ANK3: variants seen among roughly 807,000 people sequenced by gnomAD.
ANK3 encodes ankyrin-3.
In ANK3, 57 loss-of-function variants were observed where a neutral mutation model predicts 370.9. The ratio of observed to expected loss-of-function variants is 0.15; its 90% CI spans 0.12 to 0.19. ANK3 has a LOEUF of 0.19. ANK3 is among the 10% of genes least tolerant of loss of function. The pLI is 1.00. For synonymous variants in ANK3, 1,929 were observed against 1,946.3 expected (o/e 0.99, Z 0.23); for missense variants, 4,439 against 5,302.1 (o/e 0.84, Z 5.06).
At chr10:60,050,724 CAA>C (rs1415536809) in intron 42 of ANK3, 1 of 152,058 alleles carries the variant, frequency 6.6e-6, no homozygotes, top group African/African-American at 2.4e-5. Context: ...CCTTACTACG[CAA>C]AAGGTAAGTG....
At chr10:60,431,386 C>T (rs1035619720) in intron 2 of ANK3, among the ~76,000 whole-genome samples, 1 of 152,130 alleles carries the variant, frequency 6.6e-6, no homozygotes, top group African/African-American at 2.4e-5. Context: ...GGAGGCGGAG[C>T]TCAGGTGGTA....
At chr10:60,614,104 T>C (rs957354134) in intron 2 of ANK3, among the ~76,000 whole-genome samples, 1 of 152,058 alleles carries the variant, frequency 6.6e-6, no homozygotes, top group African/African-American at 2.4e-5. Context: ...TACCACAGAA[T>C]TGTGTAGCGA....
intron 2 of ANK3, among the ~76,000 whole-genome samples, chr10:60,420,249 C>CA (rs1395499122): frequency 1.3e-5 from 2 of 152,052 alleles, no homozygotes; most frequent in Non-Finnish European, 2.9e-5. Flanking sequence ...ATTAAATGTC[C>CA]ATGCAACACT....
chr10:60,688,947 CAAAAAAAAGAAAAAA>C (rs940182846), intron 1 of ANK3, among the ~76,000 whole-genome samples: 1 of 119,150 alleles, frequency 8.4e-6, no homozygotes, highest in East Asian at 2.5e-4. Context: ...GACTCCGTTT[CAAAAAAAAGAAAAAA>C]AAAAAAAAGA....
chr10:60,070,921 G>A lies in ANK3; in HGVS notation c.9960C>T (p.Asp3320=), dbSNP rs375742067. Reference sequence around the variant, plus strand: ...CTGGGACTGGCTGATAAATAGATTCGTCATCGCTTGAATCACTGACGTCTG... The same window carrying A: ...CTGGGACTGGCTGATAAATAGATTCATCATCGCTTGAATCACTGACGTCTG... ...PGADVSDSSD[D]ESIYQPVPVK... is the part of the protein sequence containing the mutation. Residue 3320 remains aspartate (D), a synonymous_variant, in exon 37 of 44, where the codon GAC becomes GAT. Transcript: ENST00000280772. The surrounding 1 kb of genome is among the most constrained non-coding windows in gnomAD (Gnocchi z 5.7). The A allele has an allele frequency of 3.4e-5, 55 of 1,613,906 alleles. 1 individual carries two copies. Among genetic ancestry groups the A allele is most frequent in the African/African-American group, 8.0e-5 (6 of 74,890 alleles).
At chr10:60,251,574 G>A (rs2097666393) in intron 7 of ANK3, among the ~76,000 whole-genome samples, 1 of 152,118 alleles carries the variant, frequency 6.6e-6, no homozygotes, top group African/African-American at 2.4e-5. Context: ...AATCTTTTAA[G>A]GCAGATGATG....
chr10:60,451,193 G>A (rs949918443), intron 2 of ANK3, among the ~76,000 whole-genome samples: 7 of 152,074 alleles, frequency 4.6e-5, no homozygotes, highest in Non-Finnish European at 7.4e-5. Flanking sequence ...AAAGAGAGTC[G>A]CCCTCAGAAT....
chr10:60,062,947 G>T lies in ANK3; in HGVS notation c.12595+164C>A, dbSNP rs376512861. The T allele has an allele frequency of 9.7e-5, 60 of 619,726 alleles. 1 individual carries two copies. The East Asian group carries it at 1.4e-3, about 15-fold the overall frequency. The allele number at this position is 619,726 out of a possible 1,614,324, so 38.4% of individuals were successfully genotyped here. A position where few individuals can be genotyped will look rare whatever the true frequency, so the allele number is the denominator to read the frequency against. ...GTATATAAACAGAGGTATTTACCAA[G>T]TTTGCTCTGATATCAGAGTGTTTAT... On this transcript the variant is annotated intron_variant, in intron 40 of 43. Coordinates refer to ENST00000280772, the MANE Select transcript of ANK3 (RefSeq NM_020987.5).
intron 2 of ANK3, among the ~76,000 whole-genome samples, chr10:60,399,632 C>T (rs573402374): frequency 1.4e-4 from 21 of 152,222 alleles, no homozygotes; most frequent in Admixed American, 7.2e-4. Flanking sequence ...GGCAAGGAGC[C>T]GCTACAGTTA....
chr10:60,315,430 CAAG>C (rs1347844822), intron 1 of ANK3, among the ~76,000 whole-genome samples: 5 of 152,088 alleles, frequency 3.3e-5, no homozygotes, highest in Admixed American at 6.5e-5. Flanking sequence ...TCCAAGAACC[CAAG>C]AAGAAGTTGG....
chr10:60,444,631 G>A (rs1426145959), intron 2 of ANK3, among the ~76,000 whole-genome samples: 2 of 151,942 alleles, frequency 1.3e-5, no homozygotes, highest in African/African-American at 4.8e-5. Context: ...CACAGTGTTT[G>A]GAATTTTAAC....
At chr10:60,722,207 A>G (rs1205610225) in intron 1 of ANK3, among the ~76,000 whole-genome samples, 1 of 152,126 alleles carries the variant, frequency 6.6e-6, no homozygotes. Flanking sequence ...AGAAATTTTA[A>G]TTATTGCTTA....
At chr10:60,063,037 G>C (rs1678264174) in intron 40 of ANK3, 74 bp downstream of exon 40, 1 of 1,444,016 alleles carries the variant, frequency 6.9e-7, no homozygotes, top group Non-Finnish European at 9.3e-7. Context: ...TTGCTTTTAA[G>C]TGACTGCCTT....
chr10:60,325,339 CAGGAGACAAATGTCCA>C (rs2049583265), intron 1 of ANK3, among the ~76,000 whole-genome samples: 1 of 152,164 alleles, frequency 6.6e-6, no homozygotes, highest in Admixed American at 6.5e-5. Context: ...CTGCAGTTAG[CAGGAGACAAATGTCCA>C]CTTTTGGCCA....
chr10:60,664,221 TG>T (rs1475513521), intron 1 of ANK3, among the ~76,000 whole-genome samples: 3 of 152,250 alleles, frequency 2.0e-5, no homozygotes, highest in Non-Finnish European at 2.9e-5. Context: ...AAGAACTTAG[TG>T]TCAAATTTCT....
chr10:60,689,198 G>C (rs2133400399), intron 1 of ANK3, among the ~76,000 whole-genome samples: 1 of 152,232 alleles, frequency 6.6e-6, no homozygotes, highest in South Asian at 2.1e-4. Context: ...CCAGGAGTTT[G>C]AGAATAGCCC....
At chr10:60,347,054 G>GATATATATAT (rs34027235) in intron 1 of ANK3, among the ~76,000 whole-genome samples, 1 of 142,432 alleles carries the variant, frequency 7.0e-6, no homozygotes, top group African/African-American at 2.6e-5. Flanking sequence ...AGAAATATAT[G>GATATATATAT]ATATATATAT....
intron 2 of ANK3, among the ~76,000 whole-genome samples, chr10:60,518,395 A>C (rs758879543): frequency 6.6e-6 from 1 of 152,086 alleles, no homozygotes; most frequent in Non-Finnish European, 1.5e-5. Flanking sequence ...TTACTACAGG[A>C]AGCTGGATTC....
At chr10:60,624,540 G>A (rs2078382040) in intron 1 of ANK3, among the ~76,000 whole-genome samples, 1 of 152,086 alleles carries the variant, frequency 6.6e-6, no homozygotes, top group Non-Finnish European at 1.5e-5. Flanking sequence ...CTGGAACTGT[G>A]AATATAATAG....
Sources: allele counts gnomAD v4.1 joint callset (sites outside exome capture counted in the v4.1 genomes callset), GRCh38; gene constraint gnomAD v4.1.1; non-coding constraint Gnocchi (gnomAD v3.1); transcripts MANE v1.5; gene names NCBI Gene and HGNC (gene_info 2026-07-23, HGNC 2026-07-21).